ERBB4: variants seen among roughly 807,000 people sequenced by gnomAD.
ERBB4 encodes receptor tyrosine-protein kinase erbB-4.
A neutral mutation model predicts 158.0 loss-of-function variants in ERBB4; 42 were observed. The ratio of observed to expected loss-of-function variants is 0.27; its 90% CI spans 0.21 to 0.34. The LOEUF (loss-of-function observed/expected upper bound fraction) is 0.34. Among genes scored for constraint, ERBB4 ranks in the 10% least tolerant of loss-of-function variants. The probability of loss-of-function intolerance (pLI) is 1.00; values close to 1 mark genes in which losing one functional copy is unlikely to be tolerated. For missense variants in ERBB4, 1,333 were observed against 1,624.1 expected, an observed-to-expected ratio of 0.82 and a Z score of 3.08; for synonymous variants, 583 against 558.7, an observed-to-expected ratio of 1.04 and a Z score of -0.61.
chr2:211,887,441 A>C (rs1266583689), intron 3 of ERBB4, among the ~76,000 whole-genome samples: 1 of 152,174 alleles, frequency 6.6e-6, no homozygotes, highest in East Asian at 1.9e-4. Flanking sequence ...AATAGCTCTA[A>C]AATGCCATCC....
At chr2:211,402,920 C>T (rs571457058) in intron 25 of ERBB4, among the ~76,000 whole-genome samples, 4 of 152,154 alleles carry the variant, frequency 2.6e-5, no homozygotes, top group Admixed American at 1.3e-4. Context: ...TACATATTTT[C>T]TAACCTCTTT....
At chr2:212,008,384 G>A (rs1366660934) in intron 2 of ERBB4, among the ~76,000 whole-genome samples, 1 of 152,016 alleles carries the variant, frequency 6.6e-6, no homozygotes, top group Non-Finnish European at 1.5e-5. Context: ...CAAAATGACA[G>A]AAATTCTTCC....
At chr2:212,361,257 A>T (rs1016656099) in intron 1 of ERBB4, among the ~76,000 whole-genome samples, 1 of 151,354 alleles carries the variant, frequency 6.6e-6, no homozygotes, top group Non-Finnish European at 1.5e-5. Context: ...TTTCAGGAAG[A>T]CTCTACATTA....
At chr2:212,257,967 T>A (rs2084801944) in intron 1 of ERBB4, among the ~76,000 whole-genome samples, 1 of 152,144 alleles carries the variant, frequency 6.6e-6, no homozygotes, top group Non-Finnish European at 1.5e-5. Context: ...CCTGACTCTT[T>A]CACAGCTCTC....
intron 15 of ERBB4, among the ~76,000 whole-genome samples, chr2:211,659,136 C>T (rs1254919494): frequency 6.6e-6 from 1 of 152,044 alleles, no homozygotes; most frequent in Non-Finnish European, 1.5e-5. Flanking sequence ...TAACTCTAAA[C>T]ATTGGTGAAC....
chr2:212,436,549 CAG>C, intron 1 of ERBB4, among the ~76,000 whole-genome samples: 1 of 152,030 alleles, frequency 6.6e-6, no homozygotes. Flanking sequence ...GTCAATCTCT[CAG>C]AGATTTCATT....
intron 1 of ERBB4, among the ~76,000 whole-genome samples, chr2:212,389,500 T>C (rs1444112661): frequency 6.6e-6 from 1 of 151,952 alleles, no homozygotes; most frequent in Non-Finnish European, 1.5e-5. Context: ...GCCTGAAAAA[T>C]TCAACTCTGG....
At chr2:211,939,860 T>C (rs1426842534) in intron 3 of ERBB4, among the ~76,000 whole-genome samples, 1 of 151,256 alleles carries the variant, frequency 6.6e-6, no homozygotes, top group Non-Finnish European at 1.5e-5. Flanking sequence ...GGCAGGAGAA[T>C]GGCATGAACC....
chr2:211,595,564 C>T (rs1313181669), intron 19 of ERBB4, among the ~76,000 whole-genome samples: 2 of 152,050 alleles, frequency 1.3e-5, no homozygotes, highest in African/African-American at 4.8e-5. Flanking sequence ...GGAATTATAT[C>T]AGAAACAAGA....
chr2:211,510,553 C>T (rs1057380855), intron 20 of ERBB4, among the ~76,000 whole-genome samples: 5 of 151,982 alleles, frequency 3.3e-5, no homozygotes, highest in Admixed American at 6.6e-5. Flanking sequence ...AAAATGAACC[C>T]TGTTCTATAT....
At chr2:211,596,877 G>A (rs1371964622) in intron 19 of ERBB4, among the ~76,000 whole-genome samples, 1 of 151,942 alleles carries the variant, frequency 6.6e-6, no homozygotes, top group African/African-American at 2.4e-5. Context: ...TGATTCTCCT[G>A]TCTCAGCCTT....
intron 1 of ERBB4, among the ~76,000 whole-genome samples, chr2:212,202,018 A>G (rs1218313195): frequency 6.6e-6 from 1 of 152,234 alleles, no homozygotes. Context: ...TTCATTCTGT[A>G]TACTGAACAA....
At chr2:211,769,745 G>A (rs953784164) in intron 4 of ERBB4, among the ~76,000 whole-genome samples, 9 of 152,194 alleles carry the variant, frequency 5.9e-5, no homozygotes, top group African/African-American at 2.2e-4. Flanking sequence ...CTTGGAGTCT[G>A]ATGTCTGAGG....
At chr2:211,519,128 T>G (rs576907421) in intron 20 of ERBB4, among the ~76,000 whole-genome samples, 2 of 152,194 alleles carry the variant, frequency 1.3e-5, no homozygotes, top group African/African-American at 4.8e-5. Context: ...AAGTTATCTG[T>G]CAGTGGCTCC....
chr2:212,309,423 A>C (rs2086938859), intron 1 of ERBB4, among the ~76,000 whole-genome samples: 1 of 150,848 alleles, frequency 6.6e-6, no homozygotes. Flanking sequence ...TGAATGAAAC[A>C]GTTTTAGTTT....
chr2:211,660,638 G>A (rs910883532), intron 15 of ERBB4, among the ~76,000 whole-genome samples: 10 of 152,162 alleles, frequency 6.6e-5, no homozygotes, highest in Non-Finnish European at 1.2e-4. Flanking sequence ...AAAGATGAGT[G>A]GTTAACGGGG....
chr2:212,300,080 C>G (rs1430932345), intron 1 of ERBB4, among the ~76,000 whole-genome samples: 2 of 151,480 alleles, frequency 1.3e-5, no homozygotes, highest in Admixed American at 1.3e-4. Flanking sequence ...ATTAGTTCGC[C>G]CAAGCAGTAG....
chr2:212,041,810 A>G (rs2077147835), intron 2 of ERBB4, among the ~76,000 whole-genome samples: 1 of 152,090 alleles, frequency 6.6e-6, no homozygotes, highest in Non-Finnish European at 1.5e-5. Context: ...CTCAAGTTGA[A>G]CAATACGTTA....
intron 3 of ERBB4, among the ~76,000 whole-genome samples, chr2:211,863,246 G>T (rs2078113901): frequency 6.6e-6 from 1 of 152,140 alleles, no homozygotes; most frequent in Non-Finnish European, 1.5e-5. Context: ...GCACCAATCA[G>T]CAATCTGTAA....
Sources: allele counts gnomAD v4.1 joint callset (sites outside exome capture counted in the v4.1 genomes callset), GRCh38; gene constraint gnomAD v4.1.1; transcripts MANE v1.5; gene names NCBI Gene and HGNC (gene_info 2026-07-23, HGNC 2026-07-21).